TTC28: variants seen among roughly 807,000 people sequenced by gnomAD.
The protein encoded by TTC28 is tetratricopeptide repeat domain 28.
A neutral mutation model predicts 198.0 loss-of-function variants in TTC28; 61 were observed. That is an observed-to-expected ratio of 0.31 (90% CI 0.25 to 0.38). TTC28 has a LOEUF of 0.38. Among genes scored for constraint, TTC28 ranks in the 10% least tolerant of loss-of-function variants. TTC28 has a pLI of 1.00. For synonymous variants in TTC28, 1,171 were observed against 1,297.8 expected (o/e 0.90, Z 2.10); for missense variants, 2,678 against 3,164.0 (o/e 0.85, Z 3.69).
intron 12 of TTC28, among the ~76,000 whole-genome samples, chr22:28,052,026 G>T (rs759447956): frequency 6.6e-6 from 1 of 152,124 alleles, no homozygotes; most frequent in African/African-American, 2.4e-5. Flanking sequence ...AGCCAAGGGG[G>T]TCCCTTGCTG....
At chr22:28,513,968 G>A (rs1208273850) in intron 2 of TTC28, among the ~76,000 whole-genome samples, 1 of 151,930 alleles carries the variant, frequency 6.6e-6, no homozygotes, top group Non-Finnish European at 1.5e-5. Context: ...TGTTATAACA[G>A]GCAGTCTTTG....
intron 5 of TTC28, among the ~76,000 whole-genome samples, chr22:28,272,265 C>A (rs1277866081): frequency 1.3e-5 from 2 of 152,176 alleles, no homozygotes; most frequent in African/African-American, 4.8e-5. Context: ...TATTATCACT[C>A]AACCAAATCA....
At chr22:28,559,439 A>AT (rs1291137495) in intron 2 of TTC28, among the ~76,000 whole-genome samples, 1 of 152,236 alleles carries the variant, frequency 6.6e-6, no homozygotes, top group African/African-American at 2.4e-5. Flanking sequence ...CTTAAGACCT[A>AT]TAACATTCAG....
At chr22:28,316,443 T>C (rs985098416) in intron 2 of TTC28, among the ~76,000 whole-genome samples, 1 of 152,162 alleles carries the variant, frequency 6.6e-6, no homozygotes, top group Non-Finnish European at 1.5e-5. Context: ...CTTTTCCATA[T>C]AAATCTTTTT....
chr22:28,634,241 G>A (rs2051228247), intron 1 of TTC28, among the ~76,000 whole-genome samples: 1 of 152,200 alleles, frequency 6.6e-6, no homozygotes, highest in South Asian at 2.1e-4. Context: ...GCCGGGAGTG[G>A]TGGCTCACGC....
At chr22:28,604,982 A>G (rs1463904373) in intron 2 of TTC28, among the ~76,000 whole-genome samples, 2 of 152,232 alleles carry the variant, frequency 1.3e-5, no homozygotes, top group African/African-American at 2.4e-5. Context: ...AAGAGTTGGA[A>G]ATGAAATTTA....
intron 5 of TTC28, among the ~76,000 whole-genome samples, chr22:28,208,087 G>A (rs546859362): frequency 2.0e-5 from 3 of 152,224 alleles, no homozygotes; most frequent in African/African-American, 7.2e-5. Context: ...TTTTAAGTAT[G>A]CGTGTAATCT....
At chr22:28,098,065 G>A (rs984968334) in intron 10 of TTC28, among the ~76,000 whole-genome samples, 4 of 152,206 alleles carry the variant, frequency 2.6e-5, no homozygotes, top group Non-Finnish European at 5.9e-5. Flanking sequence ...TATCTCCTGG[G>A]AAGAGGCAGA....
intron 2 of TTC28, among the ~76,000 whole-genome samples, chr22:28,328,778 A>G (rs986196963): frequency 7.0e-6 from 1 of 143,192 alleles, no homozygotes; most frequent in Non-Finnish European, 1.5e-5. Context: ...TAATAATAAT[A>G]ATAATAATAA....
intron 2 of TTC28, among the ~76,000 whole-genome samples, chr22:28,524,202 G>A (rs549539750): frequency 2.0e-5 from 3 of 151,966 alleles, no homozygotes; most frequent in Admixed American, 1.3e-4. Context: ...AAAAATTAAC[G>A]ATCCCAGCAC....
chr22:28,082,880 T>G (rs533007435), intron 12 of TTC28, among the ~76,000 whole-genome samples: 5 of 152,308 alleles, frequency 3.3e-5, no homozygotes, highest in Non-Finnish European at 7.4e-5. Flanking sequence ...GTCCCAAACT[T>G]TTCTTTATTG....
At chr22:28,423,089 G>C (rs1357064380) in intron 2 of TTC28, among the ~76,000 whole-genome samples, 1 of 152,032 alleles carries the variant, frequency 6.6e-6, no homozygotes, top group African/African-American at 2.4e-5. Context: ...CATTCCTAAA[G>C]ATCTCTGGAC....
intron 5 of TTC28, among the ~76,000 whole-genome samples, chr22:28,189,236 C>A (rs1924494305): frequency 6.6e-6 from 1 of 152,046 alleles, no homozygotes; most frequent in Non-Finnish European, 1.5e-5. Context: ...CATACTATAA[C>A]CATGCACCTT....
At chr22:28,422,558 C>T (rs1659742144) in intron 2 of TTC28, among the ~76,000 whole-genome samples, 1 of 152,054 alleles carries the variant, frequency 6.6e-6, no homozygotes, top group Non-Finnish European at 1.5e-5. Context: ...CCTGCCTCAG[C>T]CTCCCGAGTA....
At chr22:28,205,623 T>C (rs1926338825) in intron 5 of TTC28, among the ~76,000 whole-genome samples, 1 of 152,110 alleles carries the variant, frequency 6.6e-6, no homozygotes, top group African/African-American at 2.4e-5. Flanking sequence ...TTTTCAATGA[T>C]GATGTCAAAT....
intron 2 of TTC28, among the ~76,000 whole-genome samples, chr22:28,456,010 T>G (rs2047853643): frequency 6.6e-6 from 1 of 151,532 alleles, no homozygotes; most frequent in African/African-American, 2.4e-5. Context: ...ATACAATAAA[T>G]TAGCTGGGTG....
chr22:28,487,001 C>T lies in TTC28; in HGVS notation c.381+142551G>A, dbSNP rs567207243. Among the ~76,000 whole-genome samples, 43 of 152,232 alleles carry T rather than the reference C, an allele frequency of 2.8e-4. 2 individuals are homozygous for T. The highest frequency in any genetic ancestry group is 9.6e-4 in the African/African-American group (40 of 41,560). ...GAGTACAGTGCGAGACCTTCTGATG[C>T]CAAATGATCCTCACTTAACATTTAG... is the stretch of plus-strand genomic sequence containing the variant. On this transcript the variant is annotated intron_variant, in intron 2 of 22. Transcript: ENST00000397906.
intron 2 of TTC28, chr22:28,443,125 C>T (rs752685048): frequency 6.6e-5 from 10 of 152,198 alleles, no homozygotes; most frequent in Admixed American, 1.3e-4. Flanking sequence ...TCCCACCAGG[C>T]TAGGAAGTCC....
At chr22:27,988,453 A>G (rs902731238) in intron 21 of TTC28, among the ~76,000 whole-genome samples, 4 of 151,570 alleles carry the variant, frequency 2.6e-5, no homozygotes, top group Non-Finnish European at 5.9e-5. Flanking sequence ...ATGCCTGGCT[A>G]ATTTTTGTAT....
Sources: allele counts gnomAD v4.1 joint callset (sites outside exome capture counted in the v4.1 genomes callset), GRCh38; gene constraint gnomAD v4.1.1; transcripts MANE v1.5; gene names NCBI Gene and HGNC (gene_info 2026-07-23, HGNC 2026-07-21).